The following KPNA7 variants were observed in gnomAD, a reference collection of about 807,000 sequenced individuals.
KPNA7 encodes the protein karyopherin subunit alpha 7, also known as importin subunit alpha-8.
Under a neutral mutation model 53.7 loss-of-function variants are expected in KPNA7, and 54 were observed. The observed-to-expected ratio is 1.01, with a 90% CI of 0.81 to 1.26. The LOEUF (loss-of-function observed/expected upper bound fraction) is 1.26, where lower values mean the gene tolerates loss of function less well. KPNA7 is among the 50% of genes most tolerant of loss of function. The probability of loss-of-function intolerance (pLI) is 0.00; values close to 1 mark genes in which losing one functional copy is unlikely to be tolerated. For synonymous variants in KPNA7, 276 were observed against 259.3 expected (o/e 1.06, Z -0.62); for missense variants, 640 against 644.5 (o/e 0.99, Z 0.07).
chr7:99,160,768 C>T, the KPNA7 span, among the ~76,000 whole-genome samples: 3 of 152,148 alleles, frequency 2.0e-5, no homozygotes. Flanking sequence ...GGGAAGCCAG[C>T]CTCCAAGATG....
upstream of KPNA7, among the ~76,000 whole-genome samples, chr7:99,210,857 A>T (rs1399021518): frequency 6.6e-6 from 1 of 152,000 alleles, no homozygotes; most frequent in African/African-American, 2.4e-5. Flanking sequence ...AAGCATTGGG[A>T]TTAGAGGCAT....
chr7:99,153,203 G>A, the KPNA7 span, among the ~76,000 whole-genome samples: 1 of 152,152 alleles, frequency 6.6e-6, no homozygotes, highest in Non-Finnish European at 1.5e-5. Flanking sequence ...AAGGAAGTGA[G>A]TGGGGGTTGG....
rs900069733 is a variant in KPNA7 at position 99,214,398 on chromosome 7, G to A, written c.-23-6909C>T. Among the ~76,000 whole-genome samples the A allele has an allele frequency of 2.7e-5, 4 of 150,146 alleles. No homozygotes were observed. The East Asian group carries it at 7.9e-4, about 30-fold the overall frequency. On this transcript the variant is annotated intron_variant, in intron 1 of 10. Coordinates refer to the KPNA7 transcript ENST00000681060. ...GCAGAGGTTACAGTGAGCTGAGATC[G>A]CACCACTGCACTCCAGTCTGGGTGA... is the stretch of plus-strand genomic sequence containing the variant.
chr7:99,214,245 A>C (rs1417733024), intron 1 of KPNA7, among the ~76,000 whole-genome samples: 2 of 150,924 alleles, frequency 1.3e-5, no homozygotes, highest in African/African-American at 4.9e-5. Flanking sequence ...TCCTTGGCCA[A>C]TGTGGCAAAA....
chr7:99,206,062 G>T (rs1340226711), intron 2 of KPNA7, among the ~76,000 whole-genome samples: 3 of 152,156 alleles, frequency 2.0e-5, no homozygotes, highest in East Asian at 1.9e-4. Context: ...ATATGCTAAC[G>T]TTTTAGCTCC....
chr7:99,195,682 G>A (rs915948566), intron 4 of KPNA7, among the ~76,000 whole-genome samples: 5 of 152,106 alleles, frequency 3.3e-5, no homozygotes, highest in Non-Finnish European at 7.4e-5. Flanking sequence ...CAGCCTGGGT[G>A]ACAGAGTGAG....
chr7:99,203,309 T>A, intron 2 of KPNA7, 69 bp from the exon 3 acceptor site: 18 of 1,473,292 alleles, frequency 1.2e-5, no homozygotes, highest in Non-Finnish European at 1.7e-5. Context: ...CTGTCAAACA[T>A]GTTTCAAAGC....
At position 99,193,002 on chromosome 7, in the gene KPNA7, A is replaced by G. The variant is rs911987056; in HGVS notation, c.636+17T>C. The stretch of plus-strand genomic sequence containing the variant: ...TTTAATTTAAAAAAAAAAAAAGAGA[A>G]AGAAAAAGACACTTACCGGCAGGGT... On this transcript the variant is annotated intron_variant, in intron 6 of 10. Coordinates refer to ENST00000327442, the MANE Select transcript of KPNA7 (RefSeq NM_001145715.3). The G allele has an allele frequency of 1.4e-6, 2 of 1,436,462 alleles. No individual in the cohort carries two copies. The highest frequency in any genetic ancestry group is 1.9e-6 in the Non-Finnish European group (2 of 1,079,188). The allele number at this position is 1,436,462 out of a possible 1,614,324, so 89.0% of individuals were successfully genotyped here. A position where few individuals can be genotyped will look rare whatever the true frequency, so the allele number is the denominator to read the frequency against.
intron 1 of KPNA7, among the ~76,000 whole-genome samples, chr7:99,217,648 T>G (rs1442217093): frequency 3.2e-5 from 2 of 63,436 alleles, no homozygotes; most frequent in African/African-American, 1.0e-4. Flanking sequence ...TTTTTTTTTT[T>G]GAGACAGAGT....
At chr7:99,161,559 A>AT in the KPNA7 span, among the ~76,000 whole-genome samples, 14 of 152,066 alleles carry the variant, frequency 9.2e-5, no homozygotes, top group Admixed American at 2.6e-4. Flanking sequence ...CTGTATAATA[A>AT]TTTTTTTAAG....
chr7:99,158,053 A>C, the KPNA7 span, among the ~76,000 whole-genome samples: 2 of 151,674 alleles, frequency 1.3e-5, no homozygotes, highest in Admixed American at 1.3e-4. Context: ...ACATTTGGCT[A>C]ATTTTTTACT....
Position 99,181,079 on chromosome 7 carries a change from GTCTCTC to G in KPNA7, c.1317+798_1317+803del, listed in dbSNP as rs1255545299. On this transcript the variant is annotated intron_variant, in intron 9 of 10. Coordinates refer to ENST00000327442, the MANE Select transcript of KPNA7 (RefSeq NM_001145715.3). Reference sequence around the variant, plus strand: ...CGTCTGTGTCTCTCTCTCCATCTGTGTCTCTCTCTCTCTCTCCGTCTGTGTCTCTCT... The same window carrying G: ...CGTCTGTGTCTCTCTCTCCATCTGTGTCTCTCTCTCCGTCTGTGTCTCTCT... Among the ~76,000 whole-genome samples, 120 of 56,130 alleles carry G rather than the reference GTCTCTC, an allele frequency of 2.1e-3. 37 individuals are homozygous for G. Among genetic ancestry groups the G allele is most frequent in the South Asian group, 3.2e-3 (4 of 1,256 alleles). The allele number at this position is 56,130 out of a possible 152,430, so 36.8% of individuals were successfully genotyped here. A position where few individuals can be genotyped will look rare whatever the true frequency, so the allele number is the denominator to read the frequency against.
At chr7:99,161,737 G>A in the KPNA7 span, among the ~76,000 whole-genome samples, 12 of 152,138 alleles carry the variant, frequency 7.9e-5, no homozygotes, top group Middle Eastern at 3.4e-3. Context: ...TTTTTGCATC[G>A]CCTTGTTTGA....
upstream of KPNA7, among the ~76,000 whole-genome samples, chr7:99,211,340 T>G (rs1791066662): frequency 6.6e-6 from 1 of 152,138 alleles, no homozygotes; most frequent in Admixed American, 6.5e-5. Flanking sequence ...GAGAATCGCT[T>G]GAATCTGGGA....
downstream of KPNA7, among the ~76,000 whole-genome samples, chr7:99,171,476 T>C (rs1292709396): frequency 6.6e-6 from 1 of 152,154 alleles, no homozygotes; most frequent in Non-Finnish European, 1.5e-5. Context: ...GGGTCTCACT[T>C]CATAGCCCAG....
intron 3 of KPNA7, among the ~76,000 whole-genome samples, chr7:99,201,120 G>A (rs976882808): frequency 7.9e-5 from 12 of 152,176 alleles, no homozygotes; most frequent in Admixed American, 5.9e-4. Flanking sequence ...TTATATGATT[G>A]CATTTCTAGG....
intron 10 of KPNA7, 62 bp downstream of exon 10, chr7:99,177,857 AC>A: frequency 1.3e-6 from 2 of 1,490,268 alleles, no homozygotes; most frequent in Non-Finnish European, 1.8e-6. Flanking sequence ...CGGCAGGGTG[AC>A]CCTCTGCAGA....
At chr7:99,175,303 G>A (rs1051273904) in intron 10 of KPNA7, among the ~76,000 whole-genome samples, 4 of 151,868 alleles carry the variant, frequency 2.6e-5, no homozygotes, top group Middle Eastern at 3.4e-3. Context: ...GTAGCCTCCC[G>A]AGTAACTGGG....
intron 10 of KPNA7, among the ~76,000 whole-genome samples, chr7:99,176,284 C>T (rs1246524648): frequency 2.4e-4 from 29 of 118,512 alleles, no homozygotes; most frequent in South Asian, 5.7e-4. Context: ...GGCAGCTGAG[C>T]GAGACTACGT....
Sources: gnomAD v4.1 joint callset for allele counts (sites outside exome capture counted in the v4.1 genomes callset) on GRCh38, gnomAD v4.1.1 for gene constraint, MANE v1.5 for transcripts, NCBI Gene and HGNC (gene_info 2026-07-23, HGNC 2026-07-21) for gene names.